The following GMNC variants were observed in gnomAD, a reference collection of about 807,000 sequenced individuals.
GMNC encodes geminin coiled-coil domain containing.
A neutral mutation model predicts 33.6 loss-of-function variants in GMNC; 16 were observed. That is an observed-to-expected ratio of 0.48 (90% CI 0.32 to 0.72). The LOEUF is 0.72. GMNC is among the 30% of genes least tolerant of loss of function. GMNC has a pLI of 0.03. For synonymous variants in GMNC, 156 were observed against 147.3 expected (o/e 1.06, Z -0.43); for missense variants, 393 against 388.9 (o/e 1.01, Z -0.09).
chr3:190,844,435 A>C, the GMNC span, among the ~76,000 whole-genome samples: 1 of 151,452 alleles, frequency 6.6e-6, no homozygotes, highest in African/African-American at 2.4e-5. Context: ...GTTTTTAAAT[A>C]ATTTAATACA....
downstream of GMNC, among the ~76,000 whole-genome samples, chr3:190,848,135 G>GT (rs1341871364): frequency 1.3e-5 from 2 of 152,262 alleles, no homozygotes; most frequent in East Asian, 3.9e-4. Flanking sequence ...GTGATGCTTT[G>GT]AGGTTACAAA....
chr3:190,859,202 A>C (rs908625922), intron 2 of GMNC, among the ~76,000 whole-genome samples, 186 bp from the exon 3 acceptor site: 1 of 152,228 alleles, frequency 6.6e-6, no homozygotes, highest in African/African-American at 2.4e-5. Context: ...TGAGAGACAA[A>C]TATTTATATG....
At chr3:190,845,524 T>A in the GMNC span, among the ~76,000 whole-genome samples, 1 of 144,338 alleles carries the variant, frequency 6.9e-6, no homozygotes, top group East Asian at 1.9e-4. Flanking sequence ...TTTTTTTTTT[T>A]TTTGAGACTG....
rs1339306605 is a variant in GMNC at position 190,861,894 on chromosome 3, ACT to A, written c.3+717_3+718del. ...TTTAGCAGAGCCCAGCTTTGGAAAAACTCTTTTTGACTACTACAGGGCTTCTT... is the reference window on the plus strand; with the variant it reads ...TTTAGCAGAGCCCAGCTTTGGAAAAACTTTTTGACTACTACAGGGCTTCTT... On this transcript the variant is annotated intron_variant, in intron 1 of 4. Transcript: ENST00000442080. The surrounding 1 kb of genome is among the most constrained non-coding windows in gnomAD (Gnocchi z 5.1). Among the ~76,000 whole-genome samples the A allele has an allele frequency of 1.4e-4, 21 of 152,008 alleles. No individual in the cohort carries two copies. Among genetic ancestry groups the A allele is most frequent in the Admixed American group, 5.9e-4 (9 of 15,258 alleles).
the GMNC span, among the ~76,000 whole-genome samples, chr3:190,846,567 T>C: frequency 5.9e-5 from 9 of 152,212 alleles, no homozygotes; most frequent in Non-Finnish European, 1.2e-4. Context: ...TTGTAGGCTT[T>C]GACATATTTA....
chr3:190,862,271 T>C lies in GMNC; in HGVS notation c.3+342A>G, dbSNP rs1737885945. Among the ~76,000 whole-genome samples the C allele has an allele frequency of 6.6e-6, 1 of 152,032 alleles. No individual in the cohort carries two copies. The highest frequency in any genetic ancestry group is 1.5e-5 in the Non-Finnish European group (1 of 68,000). The stretch of plus-strand genomic sequence containing the variant: ...GTTCATGTCCAAGTGTTTGCAAATA[T>C]ATGCATAATCTAGAGGAAGAGGTAG... On this transcript the variant is annotated intron_variant, in intron 1 of 4. Coordinates refer to ENST00000442080, the MANE Select transcript of GMNC (RefSeq NM_001146686.3). This position sits in a 1 kb window ranked among gnomAD's most constrained non-coding sequence, Gnocchi z 4.5.
Position 190,862,299 on chromosome 3 carries a change from T to C in GMNC, c.3+314A>G, listed in dbSNP as rs774522700. Among the ~76,000 whole-genome samples, 3 of 149,744 alleles carry C rather than the reference T, an allele frequency of 2.0e-5. No individual in the cohort carries two copies. Among genetic ancestry groups the C allele is most frequent in the Non-Finnish European group, 3.0e-5 (2 of 67,666 alleles). ...GCATAATCTAGAGGAAGAGGTAGAA[T>C]GAAAAGTGAGTGCAGGTGGAGGGGG... On this transcript the variant is annotated intron_variant, in intron 1 of 4. Coordinates refer to ENST00000442080, the MANE Select transcript of GMNC (RefSeq NM_001146686.3). This position sits in a 1 kb window ranked among gnomAD's most constrained non-coding sequence, Gnocchi z 4.5.
At chr3:190,847,057 A>G in the GMNC span, among the ~76,000 whole-genome samples, 1 of 152,198 alleles carries the variant, frequency 6.6e-6, no homozygotes, top group South Asian at 2.1e-4. Context: ...ATTTGGATTC[A>G]TATCTAGCAA....
rs1488227433 is a variant in GMNC at position 190,856,455 on chromosome 3, A to G, written c.385-540T>C. Among the ~76,000 whole-genome samples, 3 of 143,760 alleles carry G rather than the reference A, an allele frequency of 2.1e-5. 1 individual carries two copies. The highest frequency in any genetic ancestry group is 7.8e-5 in the African/African-American group (3 of 38,618). 94.3% of individuals were successfully genotyped at this position (143,760 alleles called of 152,430 possible). A position where few individuals can be genotyped will look rare whatever the true frequency, so the allele number is the denominator to read the frequency against. ...TATATAAGTAAATATTCATAAATTT[A>G]TATGAATAAATATTTATAAATAAAT... On this transcript the variant is annotated intron_variant, in intron 4 of 4. Coordinates refer to ENST00000442080, the MANE Select transcript of GMNC (RefSeq NM_001146686.3).
chr3:190,844,650 C>A, the GMNC span, among the ~76,000 whole-genome samples: 16 of 151,550 alleles, frequency 1.1e-4, no homozygotes, highest in South Asian at 3.1e-3. Flanking sequence ...TCTATTTTGC[C>A]AAAATTATAT....
intron 2 of GMNC, among the ~76,000 whole-genome samples, chr3:190,860,011 T>A (rs1320850678): frequency 6.6e-6 from 1 of 152,232 alleles, no homozygotes; most frequent in Non-Finnish European, 1.5e-5. Context: ...TGTGTCTTTT[T>A]AAAAAATAAA....
rs1263933844 is a variant in GMNC, at chr3:190,854,133, A to G, written c.*1162T>C. Reference sequence around the variant, plus strand: ...CTCTTTAGTTTCTTCAGTGACCTGAAACTGCCATGTTGGAGTAAATCTGAT... The same window carrying G: ...CTCTTTAGTTTCTTCAGTGACCTGAGACTGCCATGTTGGAGTAAATCTGAT... On this transcript the variant is annotated 3_prime_UTR_variant, in exon 5 of 5. Coordinates refer to ENST00000442080, the MANE Select transcript of GMNC (RefSeq NM_001146686.3). 2 of 152,196 alleles carry G rather than the reference A, an allele frequency of 1.3e-5. No individual in the cohort carries two copies. The highest frequency in any genetic ancestry group is 2.9e-5 in the Non-Finnish European group (2 of 68,022). 9.4% of individuals were successfully genotyped at this position (152,196 alleles called of 1,614,324 possible).
the GMNC span, among the ~76,000 whole-genome samples, chr3:190,844,670 T>C: frequency 6.6e-6 from 1 of 152,024 alleles, no homozygotes; most frequent in Non-Finnish European, 1.5e-5. Flanking sequence ...TAAAAAAATC[T>C]GCCCATGATG....
In GMNC at chr3:190,855,918, A is replaced by G. The variant is rs1202826446; in HGVS notation, c.385-3T>C. The G allele has an allele frequency of 1.3e-6, 2 of 1,525,628 alleles. No homozygotes were observed. Among genetic ancestry groups the G allele is most frequent in the East Asian group, 2.5e-5 (1 of 40,624 alleles). The allele number at this position is 1,525,628 out of a possible 1,614,324, so 94.5% of individuals were successfully genotyped here. A position where few individuals can be genotyped will look rare whatever the true frequency, so the allele number is the denominator to read the frequency against. On this transcript the variant is annotated splice_polypyrimidine_tract_variant and splice_region_variant and intron_variant, in intron 4 of 4. Transcript: ENST00000442080. ...AACTCATCAGATGAGAGCAATTTCT[A>G]GGGAAGTGATATTTGAAAGTTATAC...
the GMNC span, among the ~76,000 whole-genome samples, chr3:190,844,287 T>C: frequency 6.6e-6 from 1 of 151,928 alleles, no homozygotes; most frequent in Non-Finnish European, 1.5e-5. Context: ...AGGGAAAAAA[T>C]GTCATCCCAA....
chr3:190,854,504 T>C lies in GMNC; in HGVS notation c.*791A>G, dbSNP rs1193984951. ...AGGAGTTTGTCAGCATCTGGGTAGT[T>C]GCAGATGATGACTAGTTTTGTTACC... On this transcript the variant is annotated 3_prime_UTR_variant, in exon 5 of 5. Transcript: ENST00000442080. The C allele has an allele frequency of 6.6e-6, 1 of 152,188 alleles. No individual in the cohort carries two copies. Among genetic ancestry groups the C allele is most frequent in the African/African-American group, 2.4e-5 (1 of 41,458 alleles). 9.4% of individuals were successfully genotyped at this position (152,188 alleles called of 1,614,324 possible). A position where few individuals can be genotyped will look rare whatever the true frequency, so the allele number is the denominator to read the frequency against.
chr3:190,859,082 T>G, intron 2 of GMNC, 66 bp from the exon 3 acceptor site: 2 of 957,898 alleles, frequency 2.1e-6, no homozygotes, highest in South Asian at 3.0e-5. Context: ...AAGAAACTTA[T>G]CAAATCAAAT....
downstream of GMNC, among the ~76,000 whole-genome samples, chr3:190,848,089 T>C (rs1366733979): frequency 6.6e-6 from 1 of 152,194 alleles, no homozygotes; most frequent in Non-Finnish European, 1.5e-5. Context: ...CCTTTAATAG[T>C]TACCATACTG....
chr3:190,854,260 CAA>C lies in GMNC; in HGVS notation c.*1033_*1034del, dbSNP rs1410891631. The stretch of plus-strand genomic sequence containing the variant: ...CTTCACAAAAGGGAAGTCGTTTTCG[CAA>C]AGTCATAGCAGATGAGTAGGTCTAA... On this transcript the variant is annotated 3_prime_UTR_variant, in exon 5 of 5. Transcript: ENST00000442080. 1.3e-5 allele frequency: 2 copies of C among 152,106 alleles called. No individual in the cohort carries two copies. Among genetic ancestry groups the C allele is most frequent in the Non-Finnish European group, 2.9e-5 (2 of 68,008 alleles). The allele number at this position is 152,106 out of a possible 1,614,324, so 9.4% of individuals were successfully genotyped here.
Sources: allele counts gnomAD v4.1 joint callset (sites outside exome capture counted in the v4.1 genomes callset), GRCh38; gene constraint gnomAD v4.1.1; non-coding constraint Gnocchi (gnomAD v3.1); transcripts MANE v1.5; gene names NCBI Gene and HGNC (gene_info 2026-07-23, HGNC 2026-07-21).